SNTG1: variants seen among roughly 807,000 people sequenced by gnomAD.
The protein encoded by SNTG1 is syntrophin gamma 1, also known as gamma-1-syntrophin.
In SNTG1, 39 loss-of-function variants were observed where a neutral mutation model predicts 74.7. The ratio of observed to expected loss-of-function variants is 0.52; its 90% confidence interval spans 0.40 to 0.68. SNTG1 has a LOEUF of 0.68. Ranked by LOEUF, SNTG1 falls within the 30% of genes least tolerant of loss-of-function variation. SNTG1 has a pLI of 0.00. For synonymous variants in SNTG1, 254 were observed against 217.1 expected (o/e 1.17, Z -1.49); for missense variants, 685 against 609.5 (o/e 1.12, Z -1.30).
At chr8:50,346,263 G>A (rs1031412950) in intron 2 of SNTG1, among the ~76,000 whole-genome samples, 5 of 152,158 alleles carry the variant, frequency 3.3e-5, no homozygotes, top group Non-Finnish European at 1.5e-5. Flanking sequence ...TAATTGTCAT[G>A]ATATTTCAAA....
At chr8:50,032,883 T>C (rs1817849358) in intron 1 of SNTG1, among the ~76,000 whole-genome samples, 1 of 152,150 alleles carries the variant, frequency 6.6e-6, no homozygotes, top group Non-Finnish European at 1.5e-5. Flanking sequence ...TTTATCCTGG[T>C]TTCTAAACTC....
chr8:50,590,942 G>T (rs1585779612), intron 13 of SNTG1, 25 bp downstream of exon 13: 2 of 1,507,176 alleles, frequency 1.3e-6, no homozygotes, highest in Non-Finnish European at 1.8e-6. Flanking sequence ...TACTTGGAAA[G>T]CTAAATAATA....
chr8:50,288,412 A>G (rs1327010925), intron 2 of SNTG1, among the ~76,000 whole-genome samples: 2 of 152,206 alleles, frequency 1.3e-5, no homozygotes, highest in Non-Finnish European at 2.9e-5. Context: ...GAGAATGTGT[A>G]ATGTAATGTA....
chr8:50,645,175 TGAAACATATAGAAAA>T (rs1475481598), intron 13 of SNTG1, among the ~76,000 whole-genome samples: 19 of 7,804 alleles, frequency 2.4e-3, no homozygotes, highest in African/African-American at 0.013. Flanking sequence ...TAATGAACCT[TGAAACATATAGAAAA>T]TATGTTTATT....
intron 1 of SNTG1, among the ~76,000 whole-genome samples, chr8:50,077,355 A>G (rs1255904866): frequency 6.6e-6 from 1 of 152,156 alleles, no homozygotes; most frequent in Non-Finnish European, 1.5e-5. Context: ...ATAATTTTCT[A>G]GTATTATTAT....
chr8:49,939,800 A>G (rs1808517566), intron 1 of SNTG1, among the ~76,000 whole-genome samples: 1 of 152,192 alleles, frequency 6.6e-6, no homozygotes, highest in South Asian at 2.1e-4. Flanking sequence ...GCTAGAAAGC[A>G]TTGGGTTTCA....
At chr8:50,374,981 T>G (rs1382736555) in intron 2 of SNTG1, among the ~76,000 whole-genome samples, 1 of 152,156 alleles carries the variant, frequency 6.6e-6, no homozygotes, top group Non-Finnish European at 1.5e-5. Context: ...AGGTGTAATG[T>G]GTCCTGGATA....
In SNTG1 at chr8:50,712,193, A is replaced by G. The variant is rs1478125044; in HGVS notation, c.1284+3215A>G. Among the ~76,000 whole-genome samples the G allele has an allele frequency of 2.0e-5, 3 of 152,176 alleles. No individual in the cohort carries two copies. The East Asian group carries it at 5.8e-4, about 29-fold the overall frequency. Reference sequence around the variant, plus strand: ...ACGTTTCCTTGAAGTGGAGACAAGGAGGATGAAACTATCCAGACAGATATC... The same window carrying G: ...ACGTTTCCTTGAAGTGGAGACAAGGGGGATGAAACTATCCAGACAGATATC... On this transcript the variant is annotated intron_variant, in intron 17 of 18. Coordinates refer to ENST00000642720, the MANE Select transcript of SNTG1 (RefSeq NM_018967.5).
At chr8:50,737,660 A>G (rs191843467) in intron 17 of SNTG1, among the ~76,000 whole-genome samples, 57 of 152,302 alleles carry the variant, frequency 3.7e-4, no homozygotes, top group Admixed American at 3.0e-3. Flanking sequence ...AAAATCCTCA[A>G]TAAAATATGG....
At chr8:50,062,574 T>G (rs1820569201) in intron 1 of SNTG1, among the ~76,000 whole-genome samples, 1 of 152,214 alleles carries the variant, frequency 6.6e-6, no homozygotes, top group Non-Finnish European at 1.5e-5. Context: ...AATTCTGCCA[T>G]ATTTTATTAA....
chr8:50,011,906 T>C (rs1354900944), intron 1 of SNTG1: 8 of 152,224 alleles, frequency 5.3e-5, no homozygotes, highest in Admixed American at 2.6e-4. Context: ...CAATGAACTT[T>C]AGTGCTTTCT....
intron 1 of SNTG1, among the ~76,000 whole-genome samples, chr8:50,106,789 A>G (rs1176654710): frequency 2.6e-5 from 4 of 151,966 alleles, no homozygotes; most frequent in Admixed American, 1.3e-4. Flanking sequence ...GTGTTTGACA[A>G]CTCACCTTTA....
At chr8:50,192,404 T>C (rs2083610424) in intron 2 of SNTG1, among the ~76,000 whole-genome samples, 1 of 152,122 alleles carries the variant, frequency 6.6e-6, no homozygotes, top group East Asian at 1.9e-4. Flanking sequence ...TCCCTGATCA[T>C]TATTGATGTT....
chr8:50,032,305 T>C (rs1817802160), intron 1 of SNTG1, among the ~76,000 whole-genome samples: 1 of 152,104 alleles, frequency 6.6e-6, no homozygotes, highest in African/African-American at 2.4e-5. Flanking sequence ...ATGCTTATTA[T>C]TGTTTATTTC....
At chr8:50,302,193 G>A (rs566175678) in intron 2 of SNTG1, among the ~76,000 whole-genome samples, 280 of 152,244 alleles carry the variant, frequency 1.8e-3, no homozygotes, top group African/African-American at 6.5e-3. Context: ...CATTTAATGT[G>A]GAAGCAGTTT....
chr8:50,590,893 C>T lies in SNTG1; in HGVS notation c.825C>T (p.Asn275=). The part of the protein sequence containing the change: ...NLTKHNIKKI[N]RNFPVNQQIV... The stretch of plus-strand genomic sequence containing the variant: ...TATCATTGCAGATTAAAAAAATCAA[C>T]AGAAACTTTCCTGTAAACCAGCAGG... Residue 275 remains asparagine, a synonymous_variant, in exon 13 of 19, where the codon AAC becomes AAT. Coordinates refer to ENST00000642720, the MANE Select transcript of SNTG1 (RefSeq NM_018967.5). 6.4e-7 allele frequency: 1 copy of T among 1,568,970 alleles called. No individual in the cohort carries two copies. The highest frequency in any genetic ancestry group is 1.2e-5 in the South Asian group (1 of 84,468).
At chr8:50,090,848 G>C (rs1369534440) in intron 1 of SNTG1, among the ~76,000 whole-genome samples, 2 of 152,216 alleles carry the variant, frequency 1.3e-5, no homozygotes, top group East Asian at 3.9e-4. Flanking sequence ...TGCATTGAAG[G>C]TAGGAAAAGA....
intron 11 of SNTG1, among the ~76,000 whole-genome samples, chr8:50,540,274 G>C (rs1323850139): frequency 6.6e-6 from 1 of 151,976 alleles, no homozygotes; most frequent in Non-Finnish European, 1.5e-5. Flanking sequence ...ATGACCTATG[G>C]ACTATTTAAA....
At chr8:50,260,538 C>CAT (rs2130088416) in intron 2 of SNTG1, among the ~76,000 whole-genome samples, 1 of 151,878 alleles carries the variant, frequency 6.6e-6, no homozygotes, top group South Asian at 2.1e-4. Flanking sequence ...GACACACACA[C>CAT]ACACTACACA....
Sources: allele counts gnomAD v4.1 joint callset (sites outside exome capture counted in the v4.1 genomes callset), GRCh38; gene constraint gnomAD v4.1.1; transcripts MANE v1.5; gene names NCBI Gene and HGNC (gene_info 2026-07-23, HGNC 2026-07-21).